CAMTA1: variants seen among roughly 807,000 people sequenced by gnomAD.
CAMTA1 encodes the protein calmodulin binding transcription activator 1, also known as calmodulin-binding transcription activator 1.
Under a neutral mutation model 170.9 loss-of-function variants are expected in CAMTA1, and 27 were observed. The observed-to-expected ratio is 0.16, with a 90% CI of 0.12 to 0.22. The LOEUF (loss-of-function observed/expected upper bound fraction) is 0.22. CAMTA1 is among the 10% of genes least tolerant of loss of function. The pLI, the probability that CAMTA1 is intolerant of heterozygous loss-of-function variation, is 1.00. For synonymous variants in CAMTA1, 833 were observed against 891.5 expected (o/e 0.93, Z 1.17); for missense variants, 1,619 against 2,217.2 (o/e 0.73, Z 5.42).
chr1:7,171,678 C>T (rs768161429), intron 4 of CAMTA1, among the ~76,000 whole-genome samples: 48 of 152,190 alleles, frequency 3.2e-4, no homozygotes, highest in Admixed American at 5.2e-4. Context: ...AGCACGTCCA[C>T]GATGTTGCGC....
chr1:7,388,819 G>C (rs998796265), intron 5 of CAMTA1, among the ~76,000 whole-genome samples: 1 of 152,170 alleles, frequency 6.6e-6, no homozygotes, highest in African/African-American at 2.4e-5. Flanking sequence ...TCCCATGGGG[G>C]GTTCAGACAC....
intron 3 of CAMTA1, among the ~76,000 whole-genome samples, chr1:6,973,793 T>C (rs1411247862): frequency 2.0e-5 from 3 of 152,318 alleles, no homozygotes; most frequent in East Asian, 3.9e-4. Flanking sequence ...TGGCTGTTCA[T>C]GTGGCCCTGA....
At position 7,198,987 on chromosome 1, in the gene CAMTA1, G is replaced by A. The variant is rs116092489; in HGVS notation, c.303-50504G>A. On this transcript the variant is annotated intron_variant, in intron 4 of 22. Transcript: ENST00000303635. Reference sequence around the variant, plus strand: ...CTTACTCCCAGTTGACATATTGTGTGCTGGCTTGTTTGTTTTGTTTATTGT... The same window carrying A: ...CTTACTCCCAGTTGACATATTGTGTACTGGCTTGTTTGTTTTGTTTATTGT... Among the ~76,000 whole-genome samples, 1,173 of 152,308 alleles carry A rather than the reference G, an allele frequency of 7.7e-3. 16 individuals are homozygous for A. The highest frequency in any genetic ancestry group is 0.027 in the African/African-American group (1,115 of 41,566).
At chr1:7,311,289 G>T (rs1156356620) in intron 5 of CAMTA1, among the ~76,000 whole-genome samples, 1 of 152,142 alleles carries the variant, frequency 6.6e-6, no homozygotes, top group Non-Finnish European at 1.5e-5. Context: ...CCTAGGCTCT[G>T]CTCATTTTTT....
At chr1:7,523,580 T>C (rs867268777) in intron 6 of CAMTA1, among the ~76,000 whole-genome samples, 2 of 152,228 alleles carry the variant, frequency 1.3e-5, no homozygotes, top group Non-Finnish European at 1.5e-5. Flanking sequence ...AAGTGTAGGC[T>C]TAAGAATTTC....
At chr1:7,337,616 A>G (rs199598205) in intron 5 of CAMTA1, among the ~76,000 whole-genome samples, 4,044 of 105,702 alleles carry the variant, frequency 0.038, 239 homozygotes, top group African/African-American at 0.12. Flanking sequence ...TCCAATCACA[A>G]TGTGGGCGGT....
At position 7,010,078 on chromosome 1, in the gene CAMTA1, G is replaced by A. The variant is rs1044801683; in HGVS notation, c.235-81226G>A. Among the ~76,000 whole-genome samples the A allele has an allele frequency of 1.3e-5, 2 of 152,238 alleles. No individual in the cohort carries two copies. Among genetic ancestry groups the A allele is most frequent in the South Asian group, 4.1e-4 (2 of 4,830 alleles). ...TACCAGGCTCAGGCACTTGCCAGGG[G>A]TTGGTTGGTTTGTTTCTTCTGGATT... On this transcript the variant is annotated intron_variant, in intron 3 of 22. Transcript: ENST00000303635. The surrounding 1 kb of genome is among the most constrained non-coding windows in gnomAD (Gnocchi z 4.4).
intron 4 of CAMTA1, among the ~76,000 whole-genome samples, chr1:7,159,062 A>T (rs911366075): frequency 1.3e-5 from 2 of 148,552 alleles, no homozygotes; most frequent in African/African-American, 4.9e-5. Context: ...GTTACGTACT[A>T]TTTTTTTTTT....
intron 5 of CAMTA1, among the ~76,000 whole-genome samples, chr1:7,433,158 T>C (rs1387814081): frequency 6.6e-6 from 1 of 152,198 alleles, no homozygotes; most frequent in South Asian, 2.1e-4. Context: ...GAGGGAGGAA[T>C]TGCCCAGGAA....
intron 3 of CAMTA1, among the ~76,000 whole-genome samples, chr1:7,022,763 G>A (rs1701543981): frequency 6.6e-6 from 1 of 152,188 alleles, no homozygotes; most frequent in Non-Finnish European, 1.5e-5. Flanking sequence ...GGAAGGAGGA[G>A]CTCCAGTGGA....
chr1:7,442,866 C>G (rs1034972684), intron 5 of CAMTA1, among the ~76,000 whole-genome samples: 1 of 152,128 alleles, frequency 6.6e-6, no homozygotes, highest in Non-Finnish European at 1.5e-5. Flanking sequence ...CAAGCATGGT[C>G]CCTGCCCCCA....
At chr1:7,302,262 T>C (rs892939921) in intron 5 of CAMTA1, among the ~76,000 whole-genome samples, 1 of 152,100 alleles carries the variant, frequency 6.6e-6, no homozygotes, top group Admixed American at 6.5e-5. Flanking sequence ...CACAGAGAGA[T>C]GCTCCTCAAT....
rs1644208585 is a variant in CAMTA1 at position 7,113,924 on chromosome 1, A to G, written c.302+22553A>G. Among the ~76,000 whole-genome samples, 1 of 152,108 alleles carries G rather than the reference A, an allele frequency of 6.6e-6. No homozygotes were observed. The highest frequency in any genetic ancestry group is 6.6e-5 in the Admixed American group (1 of 15,258). Reference sequence around the variant, plus strand: ...CAGGAAACCTTGGCTTTGTGGCCGTATTGGTCTTTCTTTACATCATCGGCA... The same window carrying G: ...CAGGAAACCTTGGCTTTGTGGCCGTGTTGGTCTTTCTTTACATCATCGGCA... On this transcript the variant is annotated intron_variant, in intron 4 of 22. Coordinates refer to ENST00000303635, the MANE Select transcript of CAMTA1 (RefSeq NM_015215.4). This position sits in a 1 kb window ranked among gnomAD's most constrained non-coding sequence, Gnocchi z 4.5.
At chr1:7,363,834 C>T (rs918807853) in intron 5 of CAMTA1, among the ~76,000 whole-genome samples, 1 of 151,928 alleles carries the variant, frequency 6.6e-6, no homozygotes, top group Non-Finnish European at 1.5e-5. Flanking sequence ...TGTAGATCTG[C>T]CCTCTACTAA....
At chr1:7,489,533 G>A (rs909772392) in intron 6 of CAMTA1, among the ~76,000 whole-genome samples, 4 of 152,208 alleles carry the variant, frequency 2.6e-5, no homozygotes, top group Admixed American at 6.5e-5. Context: ...TTAGGGGTCA[G>A]GTAGTATGCC....
At position 6,958,384 on chromosome 1, in the gene CAMTA1, G is replaced by A. The variant is rs1487238580; in HGVS notation, c.235-132920G>A. ...TGCAGAGCGTCTCATCCGCAGCCCC[G>A]GACCCCCTGGCCACCTCTGCTCTTT... On this transcript the variant is annotated intron_variant, in intron 3 of 22. Transcript: ENST00000303635. 4.6e-5 allele frequency among the ~76,000 whole-genome samples: 7 copies of A among 152,234 alleles called. No individual in the cohort carries two copies. The East Asian group carries it at 1.2e-3, about 25-fold the overall frequency.
At chr1:7,174,479 G>T (rs1186756005) in intron 4 of CAMTA1, among the ~76,000 whole-genome samples, 3 of 152,204 alleles carry the variant, frequency 2.0e-5, no homozygotes, top group Non-Finnish European at 4.4e-5. Flanking sequence ...AAGTGCCTTG[G>T]ATGAGAGAAG....
At chr1:7,760,863 G>A (rs1244121782) in intron 22 of CAMTA1, among the ~76,000 whole-genome samples, 1 of 152,174 alleles carries the variant, frequency 6.6e-6, no homozygotes, top group African/African-American at 2.4e-5. Context: ...GAACTCCACT[G>A]ACTCATGAGA....
intron 3 of CAMTA1, among the ~76,000 whole-genome samples, chr1:7,018,257 A>T (rs961689298): frequency 6.6e-6 from 1 of 151,706 alleles, no homozygotes; most frequent in South Asian, 2.1e-4. Flanking sequence ...GACTCCATCA[A>T]ACAGGCATTT....
Sources: gnomAD v4.1 joint callset for allele counts (sites outside exome capture counted in the v4.1 genomes callset) on GRCh38, gnomAD v4.1.1 for gene constraint, Gnocchi (gnomAD v3.1) non-coding constraint, MANE v1.5 for transcripts, NCBI Gene and HGNC (gene_info 2026-07-23, HGNC 2026-07-21) for gene names.